Variants in EMCN observed in about 807,000 individuals in gnomAD.
The protein encoded by EMCN is endomucin.
EMCN carries 37 observed loss-of-function variants against 38.4 expected under a neutral mutation model. The observed-to-expected ratio is 0.96, with a 90% CI of 0.74 to 1.27. The LOEUF (loss-of-function observed/expected upper bound fraction) is 1.27. EMCN is among the 50% of genes most tolerant of loss of function. EMCN has a pLI of 0.00. For missense variants in EMCN, 318 were observed against 302.8 expected, an observed-to-expected ratio of 1.05 and a Z score of -0.37; for synonymous variants, 95 against 100.8, an observed-to-expected ratio of 0.94 and a Z score of 0.35.
intron 5 of EMCN, among the ~76,000 whole-genome samples, chr4:100,446,806 C>A (rs574033664): frequency 6.6e-6 from 1 of 152,254 alleles, no homozygotes; most frequent in East Asian, 1.9e-4. Context: ...GAATTCTCAT[C>A]ATCTAGATCC....
rs141969580 is a variant in EMCN, at chr4:100,421,857, T to G, written c.569-480A>C. ...TAAAACTAGAAAAGGCATAAAATAA[T>G]GTAAGTAGATACCACAGTGAAGATG... On this transcript the variant is annotated intron_variant, in intron 7 of 11. Coordinates refer to ENST00000296420, the MANE Select transcript of EMCN (RefSeq NM_016242.4). Among the ~76,000 whole-genome samples the G allele has an allele frequency of 4.2e-4, 64 of 152,172 alleles. No individual in the cohort carries two copies. In the East Asian group the frequency reaches 8.9e-3, roughly 21 times the overall value.
Position 100,475,659 on chromosome 4 carries a change from C to CTGTTTTT in EMCN, c.188-551_188-550insAAAAACA, listed in dbSNP as rs1560631485. Among the ~76,000 whole-genome samples the CTGTTTTT allele has an allele frequency of 3.3e-5, 2 of 60,314 alleles. 1 individual carries two copies. The highest frequency in any genetic ancestry group is 5.6e-5 in the Non-Finnish European group (2 of 35,536). The allele number at this position is 60,314 out of a possible 152,430, so 39.6% of individuals were successfully genotyped here. ...TTGAGGGCAGTATCCAATTCTAGTC[C>CTGTTTTT]TTTTTTTTTTTTTTTTTTTTTTTTT... On this transcript the variant is annotated intron_variant, in intron 2 of 11. Transcript: ENST00000296420.
intron 3 of EMCN, among the ~76,000 whole-genome samples, chr4:100,467,264 T>G (rs1728341553): frequency 1.3e-5 from 2 of 152,168 alleles, no homozygotes; most frequent in African/African-American, 4.8e-5. Context: ...AAACTCAAAC[T>G]GAATAGAATA....
At chr4:100,459,241 G>A (rs1003569478) in intron 4 of EMCN, among the ~76,000 whole-genome samples, 1 of 148,172 alleles carries the variant, frequency 6.7e-6, no homozygotes, top group Non-Finnish European at 1.5e-5. Context: ...TCTCTAGAGA[G>A]AGAGACAGAG....
chr4:100,430,429 G>T (rs1013910809), intron 5 of EMCN, among the ~76,000 whole-genome samples: 11 of 152,220 alleles, frequency 7.2e-5, no homozygotes, highest in African/African-American at 2.6e-4. Context: ...AATCAAAAAG[G>T]CATTTTTTCT....
intron 1 of EMCN, chr4:100,483,391 C>G (rs1465518455): frequency 6.6e-6 from 1 of 152,080 alleles, no homozygotes; most frequent in African/African-American, 2.4e-5. Flanking sequence ...TACCTCAGCT[C>G]CAGCTGCTCT....
chr4:100,459,409 T>C (rs1168151301), intron 4 of EMCN, among the ~76,000 whole-genome samples: 1 of 152,154 alleles, frequency 6.6e-6, no homozygotes, highest in Non-Finnish European at 1.5e-5. Context: ...ACTTATTAGT[T>C]TTTTTGTGGT....
intron 2 of EMCN, among the ~76,000 whole-genome samples, chr4:100,475,891 C>T (rs992802032): frequency 2.0e-5 from 3 of 151,748 alleles, no homozygotes; most frequent in Admixed American, 6.6e-5. Flanking sequence ...ACCGTGTTAG[C>T]GAGGATGGTC....
intron 5 of EMCN, among the ~76,000 whole-genome samples, chr4:100,444,270 T>C (rs1319405517): frequency 6.6e-6 from 1 of 152,226 alleles, no homozygotes; most frequent in Non-Finnish European, 1.5e-5. Context: ...CCAGAAATCA[T>C]GTCCATATGG....
intron 1 of EMCN, among the ~76,000 whole-genome samples, chr4:100,504,392 G>C (rs1254073125): frequency 4.6e-5 from 7 of 152,166 alleles, no homozygotes; most frequent in Non-Finnish European, 1.0e-4. Flanking sequence ...GCAAGAGACC[G>C]AGGGCACGAA....
intron 1 of EMCN, among the ~76,000 whole-genome samples, chr4:100,510,686 T>C (rs1369605801): frequency 6.6e-6 from 1 of 152,194 alleles, no homozygotes; most frequent in Non-Finnish European, 1.5e-5. Context: ...CATCTCCATT[T>C]TACAGCTGAG....
At chr4:100,433,722 G>A (rs1436575987) in intron 5 of EMCN, among the ~76,000 whole-genome samples, 1 of 151,850 alleles carries the variant, frequency 6.6e-6, no homozygotes, top group East Asian at 1.9e-4. Context: ...TTTTAGTAGG[G>A]ACGGGGTTTC....
chr4:100,398,584 C>T (rs1337023355), intron 11 of EMCN, among the ~76,000 whole-genome samples: 1 of 152,100 alleles, frequency 6.6e-6, no homozygotes, highest in Non-Finnish European at 1.5e-5. Context: ...CTTTCCCAAA[C>T]CTGTTCCCCT....
chr4:100,487,044 C>T, intron 1 of EMCN: 1 of 983,030 alleles, frequency 1.0e-6, no homozygotes, highest in Non-Finnish European at 1.2e-6. Flanking sequence ...GTAAAAAAGG[C>T]AAAGGTTACA....
At chr4:100,425,607 A>G (rs1727025293) in intron 5 of EMCN, among the ~76,000 whole-genome samples, 3 of 152,040 alleles carry the variant, frequency 2.0e-5, no homozygotes, top group Non-Finnish European at 4.4e-5. Context: ...TATTGTGAAA[A>G]TTATATGAGT....
chr4:100,422,059 G>A (rs968805206), intron 7 of EMCN, among the ~76,000 whole-genome samples: 3 of 151,818 alleles, frequency 2.0e-5, no homozygotes, highest in Non-Finnish European at 4.4e-5. Flanking sequence ...TTATTTCCAA[G>A]GTTAAAAGTA....
At chr4:100,505,901 T>C (rs754966603) in intron 1 of EMCN, among the ~76,000 whole-genome samples, 3 of 152,202 alleles carry the variant, frequency 2.0e-5, no homozygotes, top group Non-Finnish European at 4.4e-5. Context: ...TAATTTCTAA[T>C]TGATACACTC....
intron 10 of EMCN, 135 bp from the exon 11 acceptor site, chr4:100,410,490 C>A: frequency 2.5e-6 from 2 of 795,160 alleles, no homozygotes; most frequent in South Asian, 1.6e-5. Flanking sequence ...CCACCATTTG[C>A]CTCTTGGTAT....
chr4:100,416,252 A>G (rs1420371404), intron 9 of EMCN, among the ~76,000 whole-genome samples: 1 of 152,190 alleles, frequency 6.6e-6, no homozygotes, highest in African/African-American at 2.4e-5. Flanking sequence ...TGATTGTCAG[A>G]TAAATTAAAA....
Sources: allele counts gnomAD v4.1 joint callset (sites outside exome capture counted in the v4.1 genomes callset), GRCh38; gene constraint gnomAD v4.1.1; transcripts MANE v1.5; gene names NCBI Gene and HGNC (gene_info 2026-07-23, HGNC 2026-07-21).